Variants in CHCHD3 observed in about 807,000 individuals in gnomAD.
CHCHD3 encodes coiled-coil-helix-coiled-coil-helix domain containing 3.
A neutral mutation model predicts 38.2 loss-of-function variants in CHCHD3; 20 were observed. That is an observed-to-expected ratio of 0.52 (90% CI 0.37 to 0.76). CHCHD3 has a LOEUF of 0.76. Among genes scored for constraint, CHCHD3 ranks in the 30% least tolerant of loss-of-function variants. The probability of loss-of-function intolerance (pLI) is 0.00; values close to 1 mark genes in which losing one functional copy is unlikely to be tolerated. For missense variants in CHCHD3, 245 were observed against 279.2 expected, an observed-to-expected ratio of 0.88 and a Z score of 0.87; for synonymous variants, 82 against 100.0, an observed-to-expected ratio of 0.82 and a Z score of 1.07.
intron 4 of CHCHD3, among the ~76,000 whole-genome samples, chr7:132,963,324 T>TC: frequency 1.0e-5 from 1 of 98,394 alleles, no homozygotes; most frequent in African/African-American, 5.3e-5. Flanking sequence ...AAATTGTAAT[T>TC]TTTTTTTTTT....
intron 4 of CHCHD3, among the ~76,000 whole-genome samples, chr7:132,889,342 A>T (rs1809303782): frequency 6.6e-6 from 1 of 152,078 alleles, no homozygotes; most frequent in Non-Finnish European, 1.5e-5. Flanking sequence ...ATGCAAAAAA[A>T]ATCATAATGG....
At chr7:132,969,740 T>C (rs763784097) in intron 4 of CHCHD3, among the ~76,000 whole-genome samples, 2 of 152,216 alleles carry the variant, frequency 1.3e-5, no homozygotes, top group African/African-American at 2.4e-5. Context: ...CACAGGGCTT[T>C]CTAACTGGTC....
At chr7:133,010,311 A>G (rs992127513) in intron 3 of CHCHD3, among the ~76,000 whole-genome samples, 3 of 152,116 alleles carry the variant, frequency 2.0e-5, no homozygotes, top group Admixed American at 6.5e-5. Context: ...ATAGGCCACA[A>G]TACAGGCCAA....
chr7:132,791,311 T>C (rs926385314), intron 7 of CHCHD3, among the ~76,000 whole-genome samples: 10 of 152,172 alleles, frequency 6.6e-5, no homozygotes, highest in African/African-American at 2.4e-4. Flanking sequence ...AAAAATACCC[T>C]GGTTTTGAAT....
intron 4 of CHCHD3, among the ~76,000 whole-genome samples, chr7:132,964,784 G>A (rs1811416635): frequency 6.6e-6 from 1 of 152,090 alleles, no homozygotes; most frequent in African/African-American, 2.4e-5. Flanking sequence ...CCTTTGACCA[G>A]TATCTTTTGC....
chr7:132,927,995 T>G (rs977018426), intron 4 of CHCHD3, among the ~76,000 whole-genome samples: 1 of 152,144 alleles, frequency 6.6e-6, no homozygotes, highest in Non-Finnish European at 1.5e-5. Context: ...AACCCAAGCC[T>G]CCTTCTCTCA....
chr7:132,888,917 T>A (rs186675378), intron 4 of CHCHD3, among the ~76,000 whole-genome samples: 6 of 151,994 alleles, frequency 3.9e-5, no homozygotes, highest in African/African-American at 1.4e-4. Flanking sequence ...CTTGTTTATA[T>A]GGACATGGAA....
chr7:132,989,182 T>G (rs1230455619), intron 3 of CHCHD3, among the ~76,000 whole-genome samples: 1 of 152,172 alleles, frequency 6.6e-6, no homozygotes, highest in African/African-American at 2.4e-5. Context: ...GGACTGTATT[T>G]AACCAGCATT....
chr7:132,948,813 G>C (rs1810966034), intron 4 of CHCHD3, among the ~76,000 whole-genome samples: 1 of 152,076 alleles, frequency 6.6e-6, no homozygotes, highest in Non-Finnish European at 1.5e-5. Flanking sequence ...AATTCTCAAG[G>C]ATAATGTTGC....
chr7:133,032,168 A>G (rs997287458), intron 2 of CHCHD3, among the ~76,000 whole-genome samples: 1 of 152,202 alleles, frequency 6.6e-6, no homozygotes, highest in Non-Finnish European at 1.5e-5. Context: ...TTGTGGCACC[A>G]TTTAGTTGGC....
chr7:132,962,540 T>C (rs1811347674), intron 4 of CHCHD3, among the ~76,000 whole-genome samples: 1 of 152,204 alleles, frequency 6.6e-6, no homozygotes, highest in Non-Finnish European at 1.5e-5. Flanking sequence ...ATGAAATTAT[T>C]GTTCAAAAAT....
chr7:132,845,640 C>G (rs1808058861), intron 5 of CHCHD3, among the ~76,000 whole-genome samples: 2 of 152,174 alleles, frequency 1.3e-5, no homozygotes, highest in South Asian at 4.1e-4. Flanking sequence ...CAAGACTTCC[C>G]AAGGCCTTGC....
chr7:132,951,394 T>C (rs10243533), intron 4 of CHCHD3, among the ~76,000 whole-genome samples: 9,999 of 152,224 alleles, frequency 0.066, 833 homozygotes, highest in African/African-American at 0.2. Context: ...ACTCTGAGAA[T>C]CTTCTTTCTA....
intron 4 of CHCHD3, among the ~76,000 whole-genome samples, chr7:132,943,704 A>G (rs1247375000): frequency 6.6e-6 from 1 of 152,150 alleles, no homozygotes; most frequent in Non-Finnish European, 1.5e-5. Flanking sequence ...TTGACTATCT[A>G]AAAGTAAAAC....
At chr7:132,885,376 G>A (rs541606907) in intron 5 of CHCHD3, among the ~76,000 whole-genome samples, 1 of 152,334 alleles carries the variant, frequency 6.6e-6, no homozygotes, top group South Asian at 2.1e-4. Flanking sequence ...GCAGTGTACT[G>A]TCTGACCTGG....
At chr7:132,836,535 A>G (rs1387019159) in intron 6 of CHCHD3, among the ~76,000 whole-genome samples, 2 of 152,050 alleles carry the variant, frequency 1.3e-5, no homozygotes. Context: ...ACTGGAGTGC[A>G]ATGGCACAAT....
rs1807685011 is a variant in CHCHD3 at position 132,832,900 on chromosome 7, C to T, written c.524+5499G>A. Among the ~76,000 whole-genome samples, 5 of 152,290 alleles carry T rather than the reference C, an allele frequency of 3.3e-5. 1 individual carries two copies. In the South Asian group the frequency reaches 1.0e-3, roughly 32 times the overall value. On this transcript the variant is annotated intron_variant, in intron 6 of 7. Transcript: ENST00000262570. The stretch of plus-strand genomic sequence containing the variant: ...ATGAGTGCTTTATGTGCCGGTCATC[C>T]TGGCTAGAGTATGAGCTCCATAAGG...
intron 1 of CHCHD3, 112 bp from the exon 2 acceptor site, chr7:133,070,341 T>A (rs1584686617): frequency 1.3e-6 from 1 of 763,166 alleles, no homozygotes; most frequent in Non-Finnish European, 2.1e-6. Flanking sequence ...ACGAATGCCC[T>A]AAAGAAATTA....
intron 5 of CHCHD3, among the ~76,000 whole-genome samples, chr7:132,880,591 C>T (rs1809025983): frequency 6.6e-6 from 1 of 151,922 alleles, no homozygotes; most frequent in African/African-American, 2.4e-5. Context: ...ATTCACTGTG[C>T]TATTTGTAGA....
Sources: gnomAD v4.1 joint callset for allele counts (sites outside exome capture counted in the v4.1 genomes callset) on GRCh38, gnomAD v4.1.1 for gene constraint, MANE v1.5 for transcripts, NCBI Gene and HGNC (gene_info 2026-07-23, HGNC 2026-07-21) for gene names.